PLAC1: variants seen among roughly 807,000 people sequenced by gnomAD.
PLAC1 encodes placenta associated 1.
For missense variants in PLAC1, 136 were observed against 163.2 expected (o/e 0.83, Z 0.91); for synonymous variants, 68 against 62.1 (o/e 1.09, Z -0.44).
At chrX:134,762,972 A>G (rs1259306195) in intron 1 of PLAC1, among the ~76,000 whole-genome samples, 1 of 110,574 alleles carries the variant, frequency 9.0e-6, no homozygotes, top group Non-Finnish European at 1.9e-5. Context: ...CACTTTTTGT[A>G]ACAAGCTTTT....
rs2078741139 is a variant in PLAC1 at position 134,750,861 on chromosome X, TTTTATATATATATATTTATAAATA to T, written n.89+13349_89+13372del. On this transcript the variant is annotated intron_variant and non_coding_transcript_variant, in intron 1 of 2. Coordinates refer to the PLAC1 transcript ENST00000466797. ...TATATATATATTTATATATATATATTTTTATATATATATATTTATAAATATATATATATATATTTATATATATAT... is the reference window on the plus strand; with the variant it reads ...TATATATATATTTATATATATATATTTATATATATATATTTATATATATAT... 8.6e-4 allele frequency among the ~76,000 whole-genome samples: 15 copies of T among 17,484 alleles called. 4 individuals carry two copies. The highest frequency in any genetic ancestry group is 8.2e-3 in the African/African-American group (15 of 1,830). 15.2% of individuals were successfully genotyped at this position (17,484 alleles called of 115,157 possible).
chrX:134,749,958 G>A (rs2078737282), intron 1 of PLAC1, among the ~76,000 whole-genome samples: 1 of 111,402 alleles, frequency 9.0e-6, no homozygotes. Context: ...AACAAGCAAT[G>A]GAATCTTGCA....
intron 1 of PLAC1, among the ~76,000 whole-genome samples, chrX:134,761,803 C>T (rs773785085): frequency 3.9e-4 from 44 of 112,431 alleles, no homozygotes; most frequent in African/African-American, 1.3e-3. Flanking sequence ...TGAAGAAATA[C>T]ATACAGAAGC....
chrX:134,717,201 A>T (rs1351192957), intron 2 of PLAC1, among the ~76,000 whole-genome samples: 1 of 111,475 alleles, frequency 9.0e-6, no homozygotes, highest in Non-Finnish European at 1.9e-5. Context: ...TTCTGGGTAG[A>T]TGGCCAAACT....
chrX:134,660,989 CTT>C (rs57824612), upstream of PLAC1, among the ~76,000 whole-genome samples: 5 of 107,091 alleles, frequency 4.7e-5, no homozygotes, highest in African/African-American at 1.0e-4. Flanking sequence ...TTTTAGACGT[CTT>C]TTTTTTTTCT....
At chrX:134,661,012 C>T (rs1052269280), upstream of PLAC1, among the ~76,000 whole-genome samples, 10 of 111,114 alleles carry the variant, frequency 9.0e-5, no homozygotes, top group African/African-American at 3.3e-4. Context: ...AATTTCTCCC[C>T]CCATTAAATT....
At chrX:134,753,388 G>T (rs952525641) in intron 1 of PLAC1, among the ~76,000 whole-genome samples, 4 of 111,245 alleles carry the variant, frequency 3.6e-5, no homozygotes, top group Non-Finnish European at 1.9e-5. Flanking sequence ...AGAAGCAATG[G>T]CAAAGATGAT....
intron 2 of PLAC1, among the ~76,000 whole-genome samples, chrX:134,731,274 G>A (rs1229592589): frequency 9.0e-6 from 1 of 111,475 alleles, no homozygotes; most frequent in Non-Finnish European, 1.9e-5. Context: ...TATAAAATGG[G>A]GATATAATTG....
intron 2 of PLAC1, among the ~76,000 whole-genome samples, chrX:134,699,290 G>T (rs1290192351): frequency 9.0e-6 from 1 of 111,319 alleles, no homozygotes; most frequent in Non-Finnish European, 1.9e-5. Context: ...AAAAGGGCTC[G>T]ATAGAGGGAG....
At chrX:134,629,754 A>AGGCCACCCCAGACCTTG (rs747359554) in intron 1 of PLAC1, among the ~76,000 whole-genome samples, 45 of 110,739 alleles carry the variant, frequency 4.1e-4, no homozygotes, top group Middle Eastern at 4.6e-3. Context: ...TGCTTCATGA[A>AGGCCACCCCAGACCTTG]GGCCACCCCA....
At chrX:134,667,808 T>C (rs191170210) in intron 2 of PLAC1, among the ~76,000 whole-genome samples, 2,922 of 109,638 alleles carry the variant, frequency 0.027, 108 homozygotes, top group African/African-American at 0.093. Flanking sequence ...ATGCCTGTAG[T>C]CCCAGCTACT....
chrX:134,645,167 C>T (rs1469766988), intron 1 of PLAC1, among the ~76,000 whole-genome samples: 1 of 111,407 alleles, frequency 9.0e-6, no homozygotes, highest in Non-Finnish European at 1.9e-5. Context: ...TAATTCAGTA[C>T]CTTTGTTTAA....
intron 2 of PLAC1, among the ~76,000 whole-genome samples, chrX:134,676,747 G>A (rs1411292277): frequency 8.9e-6 from 1 of 111,755 alleles, no homozygotes; most frequent in Non-Finnish European, 1.9e-5. Flanking sequence ...CTGGGTCTCA[G>A]TGTCCTTATT....
At chrX:134,672,372 G>A (rs1456114033) in intron 2 of PLAC1, among the ~76,000 whole-genome samples, 2 of 111,655 alleles carry the variant, frequency 1.8e-5, no homozygotes, top group Admixed American at 1.9e-4. Context: ...CTAGCTAGCT[G>A]TGTGCTCAGA....
intron 2 of PLAC1, among the ~76,000 whole-genome samples, chrX:134,670,885 A>G (rs935117737): frequency 6.2e-5 from 7 of 112,236 alleles, no homozygotes; most frequent in African/African-American, 2.3e-4. Flanking sequence ...CCCAGCCCCA[A>G]TTCAACCATA....
At chrX:134,675,440 T>C (rs898746096) in intron 2 of PLAC1, among the ~76,000 whole-genome samples, 5 of 110,877 alleles carry the variant, frequency 4.5e-5, no homozygotes, top group African/African-American at 1.6e-4. Flanking sequence ...CCGAGGCGGG[T>C]GGATCACCTG....
chrX:134,713,967 T>A (rs1602931542), intron 2 of PLAC1, among the ~76,000 whole-genome samples: 1 of 111,806 alleles, frequency 8.9e-6, no homozygotes, highest in East Asian at 2.8e-4. Context: ...AGGGCAGCCT[T>A]GAGGGGCCCC....
rs202170313 is a variant in PLAC1, at chrX:134,726,723, T to C, written n.174+6712A>G. On this transcript the variant is annotated intron_variant and non_coding_transcript_variant, in intron 2 of 2. Transcript: ENST00000466797. Reference sequence around the variant, plus strand: ...CTGTAGTCCCAGCTACTCAGGAGGCTGAGGCAGGGGAATCACTTGAACCCA... The same window carrying C: ...CTGTAGTCCCAGCTACTCAGGAGGCCGAGGCAGGGGAATCACTTGAACCCA... Among the ~76,000 whole-genome samples the C allele has an allele frequency of 2.8e-4, 29 of 102,269 alleles. No individual in the cohort carries two copies. In the East Asian group the frequency reaches 7.1e-3, roughly 25 times the overall value. 88.8% of individuals were successfully genotyped at this position (102,269 alleles called of 115,157 possible).
intron 2 of PLAC1, among the ~76,000 whole-genome samples, chrX:134,705,416 C>CA (rs756637363): frequency 0.022 from 615 of 28,441 alleles, 16 homozygotes; most frequent in Non-Finnish European, 0.025. Flanking sequence ...GACTCCGTCT[C>CA]AAAAAAAAAA....
Sources: allele counts gnomAD v4.1 joint callset (sites outside exome capture counted in the v4.1 genomes callset), GRCh38; gene constraint gnomAD v4.1.1; transcripts MANE v1.5; gene names NCBI Gene and HGNC (gene_info 2026-07-23, HGNC 2026-07-21).